The following GRIA4 variants were observed in gnomAD, a reference collection of about 807,000 sequenced individuals.
GRIA4 encodes glutamate receptor 4.
GRIA4 carries 34 observed loss-of-function variants against 104.0 expected under a neutral mutation model. That is an observed-to-expected ratio of 0.33 (90% CI 0.25 to 0.44). The LOEUF (loss-of-function observed/expected upper bound fraction) is 0.44, where lower values mean the gene tolerates loss of function less well. Among genes scored for constraint, GRIA4 ranks in the 20% least tolerant of loss-of-function variants. GRIA4 has a pLI of 1.00. For synonymous variants in GRIA4, 386 were observed against 381.9 expected (o/e 1.01, Z -0.13); for missense variants, 750 against 1,096.5 (o/e 0.68, Z 4.46).
intron 14 of GRIA4, among the ~76,000 whole-genome samples, chr11:105,957,610 A>T (rs560673707): frequency 2.6e-4 from 40 of 152,310 alleles, no homozygotes; most frequent in African/African-American, 8.9e-4. Context: ...TTTTGGTTCC[A>T]TATGAACTTT....
At chr11:105,848,887 G>T (rs1224280890) in intron 4 of GRIA4, among the ~76,000 whole-genome samples, 1 of 152,062 alleles carries the variant, frequency 6.6e-6, no homozygotes, top group South Asian at 2.1e-4. Context: ...TTTATTTAGG[G>T]ATTCAGTCAC....
At chr11:105,904,090 C>T (rs1591425840) in intron 8 of GRIA4, 109 bp downstream of exon 8, 1 of 722,820 alleles carries the variant, frequency 1.4e-6, no homozygotes, top group Non-Finnish European at 2.3e-6. Context: ...ACAATTGCTA[C>T]TTAAATATAT....
At chr11:105,977,391 G>C (rs1414616887) in intron 16 of GRIA4, among the ~76,000 whole-genome samples, 1 of 151,948 alleles carries the variant, frequency 6.6e-6, no homozygotes, top group Non-Finnish European at 1.5e-5. Flanking sequence ...CTCTTTCAAA[G>C]ATTTAAGATG....
chr11:105,888,488 GT>G (rs1946355453), intron 6 of GRIA4, among the ~76,000 whole-genome samples: 1 of 150,376 alleles, frequency 6.6e-6, no homozygotes. Context: ...GGGTTTCACC[GT>G]TTTAGCCGGG....
chr11:105,952,731 G>A lies in GRIA4; in HGVS notation c.2294+18762G>A, dbSNP rs928313605. Among the ~76,000 whole-genome samples, 6 of 152,106 alleles carry A rather than the reference G, an allele frequency of 3.9e-5. No individual in the cohort carries two copies. In the East Asian group the frequency reaches 1.2e-3, roughly 29 times the overall value. ...TCCACACTAACTTAATTACATATATGTCATCTAAAACCCAAACCAAAGACA... is the reference window on the plus strand; with the variant it reads ...TCCACACTAACTTAATTACATATATATCATCTAAAACCCAAACCAAAGACA... On this transcript the variant is annotated intron_variant, in intron 14 of 16. Coordinates refer to ENST00000282499, the MANE Select transcript of GRIA4 (RefSeq NM_000829.4).
intron 14 of GRIA4, among the ~76,000 whole-genome samples, chr11:105,955,192 T>C (rs961086033): frequency 6.6e-6 from 1 of 152,146 alleles, no homozygotes; most frequent in Non-Finnish European, 1.5e-5. Flanking sequence ...GTGCAGAACG[T>C]GCAGATTTGT....
At chr11:105,862,598 G>A (rs1400864462) in intron 5 of GRIA4, 2 of 173,570 alleles carry the variant, frequency 1.2e-5, no homozygotes, top group Non-Finnish European at 2.4e-5. Context: ...TTAGAGAAGT[G>A]CTACATGAGA....
At chr11:105,924,171 T>C (rs1296679023) in intron 11 of GRIA4, among the ~76,000 whole-genome samples, 1 of 152,176 alleles carries the variant, frequency 6.6e-6, no homozygotes, top group African/African-American at 2.4e-5. Context: ...TCTATCCTTT[T>C]ATCTAATTAC....
intron 4 of GRIA4, among the ~76,000 whole-genome samples, chr11:105,824,424 C>A (rs2135912279): frequency 6.6e-6 from 1 of 152,194 alleles, no homozygotes; most frequent in Non-Finnish European, 1.5e-5. Flanking sequence ...AGCTCCCCAA[C>A]AGCTTATTCC....
chr11:105,669,088 C>T (rs553991069), intron 3 of GRIA4, among the ~76,000 whole-genome samples: 1 of 152,050 alleles, frequency 6.6e-6, no homozygotes, highest in African/African-American at 2.4e-5. Flanking sequence ...TAGTATCTCC[C>T]ACAGTTGCTA....
intron 14 of GRIA4, among the ~76,000 whole-genome samples, chr11:105,961,021 T>C (rs1032944008): frequency 2.0e-5 from 3 of 152,288 alleles, no homozygotes; most frequent in East Asian, 1.9e-4. Context: ...TTTTTTCCGA[T>C]GGAAGCCTCT....
intron 4 of GRIA4, among the ~76,000 whole-genome samples, chr11:105,794,774 GA>G (rs1238599158): frequency 2.0e-5 from 3 of 150,170 alleles, no homozygotes; most frequent in Non-Finnish European, 4.4e-5. Context: ...TTCTAGATAG[GA>G]AAAAAAATTA....
At chr11:105,870,451 A>G (rs1228948773) in intron 5 of GRIA4, among the ~76,000 whole-genome samples, 1 of 151,988 alleles carries the variant, frequency 6.6e-6, no homozygotes, top group Non-Finnish European at 1.5e-5. Context: ...ACTGCATATA[A>G]GTTACATCAA....
In GRIA4 at chr11:105,884,653, G is replaced by C. The variant is rs80290332; in HGVS notation, c.673-2866G>C. 1.1e-3 allele frequency among the ~76,000 whole-genome samples: 167 copies of C among 152,262 alleles called. 2 individuals carry two copies. In the East Asian group the frequency reaches 0.028, roughly 25 times the overall value. On this transcript the variant is annotated intron_variant, in intron 5 of 16. Coordinates refer to ENST00000282499, the MANE Select transcript of GRIA4 (RefSeq NM_000829.4). Reference sequence around the variant, plus strand: ...CTGCTCCCCAAGCTCTCAGTTACCAGAATGTTGATGCATATGGAGCTCTGC... The same window carrying C: ...CTGCTCCCCAAGCTCTCAGTTACCACAATGTTGATGCATATGGAGCTCTGC...
chr11:105,631,688 T>C (rs1951039410), intron 3 of GRIA4, among the ~76,000 whole-genome samples: 1 of 152,142 alleles, frequency 6.6e-6, no homozygotes, highest in African/African-American at 2.4e-5. Flanking sequence ...CCACACACTT[T>C]ATTGAAAAAA....
At chr11:105,908,076 C>A (rs918722765) in intron 9 of GRIA4, among the ~76,000 whole-genome samples, 3 of 152,126 alleles carry the variant, frequency 2.0e-5, no homozygotes, top group Non-Finnish European at 4.4e-5. Context: ...CTCCAAGGAA[C>A]CAACTTTGAG....
intron 3 of GRIA4, among the ~76,000 whole-genome samples, chr11:105,631,227 T>C (rs753889123): frequency 3.0e-4 from 46 of 152,202 alleles, no homozygotes; most frequent in Non-Finnish European, 6.0e-4. Flanking sequence ...TGTGATTATA[T>C]TGGGAAGGAG....
intron 4 of GRIA4, among the ~76,000 whole-genome samples, chr11:105,775,575 T>C (rs1408814343): frequency 6.6e-6 from 1 of 152,008 alleles, no homozygotes; most frequent in Non-Finnish European, 1.5e-5. Context: ...GGAAAAACCA[T>C]TTCACTATAT....
chr11:105,977,320 T>C (rs1020293730), intron 16 of GRIA4, among the ~76,000 whole-genome samples: 7 of 152,038 alleles, frequency 4.6e-5, no homozygotes, highest in Admixed American at 4.6e-4. Context: ...TGGAACTACC[T>C]TTCCTGAATC....
Sources: gnomAD v4.1 joint callset for allele counts (sites outside exome capture counted in the v4.1 genomes callset) on GRCh38, gnomAD v4.1.1 for gene constraint, MANE v1.5 for transcripts, NCBI Gene and HGNC (gene_info 2026-07-23, HGNC 2026-07-21) for gene names.